Variants in PIP4K2A observed in about 807,000 individuals in gnomAD.
PIP4K2A encodes the protein phosphatidylinositol-5-phosphate 4-kinase type 2 alpha.
A neutral mutation model predicts 42.9 loss-of-function variants in PIP4K2A; 14 were observed. That is an observed-to-expected ratio of 0.33 (90% CI 0.22 to 0.51). PIP4K2A has a LOEUF of 0.51. PIP4K2A is among the 20% of genes least tolerant of loss of function. PIP4K2A has a pLI of 0.97. For synonymous variants in PIP4K2A, 192 were observed against 192.2 expected (o/e 1.00, Z 0.01); for missense variants, 434 against 519.8 (o/e 0.83, Z 1.61).
intron 1 of PIP4K2A, among the ~76,000 whole-genome samples, chr10:22,673,471 C>G (rs1376467899): frequency 6.6e-6 from 1 of 151,938 alleles, no homozygotes; most frequent in African/African-American, 2.4e-5. Context: ...TTGCATCAAG[C>G]CCAGGGTATA....
intron 1 of PIP4K2A, among the ~76,000 whole-genome samples, chr10:22,618,482 G>C (rs1838229163): frequency 1.3e-5 from 2 of 152,156 alleles, no homozygotes; most frequent in African/African-American, 4.8e-5. Flanking sequence ...TTTTGTCCCT[G>C]TCCCGCAAAC....
At chr10:22,592,681 CCT>C (rs1837540490) in intron 3 of PIP4K2A, among the ~76,000 whole-genome samples, 1 of 152,164 alleles carries the variant, frequency 6.6e-6, no homozygotes. Flanking sequence ...GTTCAGATCT[CCT>C]CTTTCTTACA....
At chr10:22,604,775 A>G (rs1288798353) in intron 3 of PIP4K2A, among the ~76,000 whole-genome samples, 2 of 152,196 alleles carry the variant, frequency 1.3e-5, no homozygotes, top group African/African-American at 4.8e-5. Flanking sequence ...AAGCTCCAGG[A>G]GAGGAAAACA....
At chr10:22,671,602 A>G (rs1409175530) in intron 1 of PIP4K2A, among the ~76,000 whole-genome samples, 1 of 152,194 alleles carries the variant, frequency 6.6e-6, no homozygotes, top group Non-Finnish European at 1.5e-5. Flanking sequence ...AAGAGAACAC[A>G]GGATGCTGGG....
rs1467638865 is a variant in PIP4K2A at position 22,675,658 on chromosome 10, T to C, written c.144+38525A>G. 3.9e-5 allele frequency among the ~76,000 whole-genome samples: 6 copies of C among 152,050 alleles called. No homozygotes were observed. The South Asian group carries it at 6.2e-4, about 16-fold the overall frequency. On this transcript the variant is annotated intron_variant, in intron 1 of 9. Coordinates refer to ENST00000376573, the MANE Select transcript of PIP4K2A (RefSeq NM_005028.5). ...TAAGAAATGTCAATAAACAAGCCATTATAAGTAATGAAAAGACTCTCCTGA... is the reference window on the plus strand; with the variant it reads ...TAAGAAATGTCAATAAACAAGCCATCATAAGTAATGAAAAGACTCTCCTGA...
At chr10:22,551,174 T>C (rs1836402634) in intron 6 of PIP4K2A, among the ~76,000 whole-genome samples, 1 of 152,120 alleles carries the variant, frequency 6.6e-6, no homozygotes, top group Non-Finnish European at 1.5e-5. Context: ...CCCAACTCCA[T>C]CCCTCCTCCC....
intron 1 of PIP4K2A, among the ~76,000 whole-genome samples, chr10:22,700,251 C>T (rs1306185886): frequency 6.6e-6 from 1 of 152,236 alleles, no homozygotes; most frequent in Non-Finnish European, 1.5e-5. Context: ...CCAATTCATA[C>T]ATCCTACACC....
At chr10:22,670,211 TCTACAAAAA>T (rs909739397) in intron 1 of PIP4K2A, among the ~76,000 whole-genome samples, 2 of 152,110 alleles carry the variant, frequency 1.3e-5, no homozygotes, top group Non-Finnish European at 2.9e-5. Flanking sequence ...AAATCCCATC[TCTACAAAAA>T]CTACAAAAAT....
At chr10:22,703,279 C>T (rs963559873) in intron 1 of PIP4K2A, among the ~76,000 whole-genome samples, 1 of 152,054 alleles carries the variant, frequency 6.6e-6, no homozygotes, top group African/African-American at 2.4e-5. Flanking sequence ...CATGGTGGTG[C>T]ACACCTGTAG....
chr10:22,581,053 A>G (rs1703664665), intron 4 of PIP4K2A, among the ~76,000 whole-genome samples: 1 of 152,242 alleles, frequency 6.6e-6, no homozygotes, highest in Non-Finnish European at 1.5e-5. Context: ...AATTAAGAGC[A>G]CACACCAGAT....
intron 3 of PIP4K2A, among the ~76,000 whole-genome samples, chr10:22,596,316 A>G (rs1359708718): frequency 1.3e-5 from 2 of 152,130 alleles, no homozygotes; most frequent in Non-Finnish European, 2.9e-5. Context: ...CCCAAGAAAC[A>G]GAGTCCGATC....
At chr10:22,615,793 T>C (rs75937098) in intron 1 of PIP4K2A, among the ~76,000 whole-genome samples, 2,720 of 152,276 alleles carry the variant, frequency 0.018, 40 homozygotes, top group Non-Finnish European at 0.027. Flanking sequence ...TGGTTGTCAA[T>C]CCCCTTTGGC....
chr10:22,690,744 A>G (rs887521939), intron 1 of PIP4K2A, among the ~76,000 whole-genome samples: 2 of 152,346 alleles, frequency 1.3e-5, no homozygotes, highest in Non-Finnish European at 2.9e-5. Context: ...TGAGCTTGAG[A>G]TAAGTAATCA....
At chr10:22,544,097 G>A (rs1335424731) in intron 7 of PIP4K2A, among the ~76,000 whole-genome samples, 1 of 152,138 alleles carries the variant, frequency 6.6e-6, no homozygotes, top group East Asian at 1.9e-4. Flanking sequence ...TAGGAGGAAG[G>A]TAACGAGTTA....
intron 1 of PIP4K2A, among the ~76,000 whole-genome samples, chr10:22,628,106 C>G (rs1191234324): frequency 6.6e-6 from 1 of 151,174 alleles, no homozygotes; most frequent in Non-Finnish European, 1.5e-5. Flanking sequence ...TCATAATGAT[C>G]TCTCAGAAAC....
chr10:22,605,749 A>C (rs1208833276), intron 3 of PIP4K2A, among the ~76,000 whole-genome samples: 1 of 152,046 alleles, frequency 6.6e-6, no homozygotes, highest in Non-Finnish European at 1.5e-5. Context: ...CAAAAAAAGG[A>C]CGTGGAGAGA....
chr10:22,669,069 T>C (rs1252092082), intron 1 of PIP4K2A, among the ~76,000 whole-genome samples: 1 of 152,186 alleles, frequency 6.6e-6, no homozygotes, highest in Admixed American at 6.5e-5. Flanking sequence ...GAACACTACA[T>C]TCACAAGTCT....
intron 7 of PIP4K2A, among the ~76,000 whole-genome samples, chr10:22,543,921 C>T (rs1836193183): frequency 1.3e-5 from 2 of 152,122 alleles, no homozygotes; most frequent in South Asian, 2.1e-4. Flanking sequence ...GCAGGCTCTC[C>T]GTGTGAGACA....
At position 22,608,020 on chromosome 10, in the gene PIP4K2A, T is replaced by C; in HGVS notation, c.246A>G (p.Glu82=). The change falls in exon 3 of 10, where the codon GAA becomes GAG. Residue 82 remains glutamate, a synonymous_variant. Coordinates refer to ENST00000376573, the MANE Select transcript of PIP4K2A (RefSeq NM_005028.5). The part of the protein sequence containing the change: ...IKVDNHLFNK[E]NMPSHFKFKE... Reference sequence around the variant, plus strand: ...TAAACTTGAAATGGCTCGGCATGTTTTCTCTGAAACAGTCACAGCGTGGAA... The same window carrying C: ...TAAACTTGAAATGGCTCGGCATGTTCTCTCTGAAACAGTCACAGCGTGGAA... 1.9e-6 allele frequency: 3 copies of C among 1,604,052 alleles called. No homozygotes were observed. Among genetic ancestry groups the C allele is most frequent in the Non-Finnish European group, 2.6e-6 (3 of 1,171,374 alleles).
Sources: allele counts gnomAD v4.1 joint callset (sites outside exome capture counted in the v4.1 genomes callset), GRCh38; gene constraint gnomAD v4.1.1; transcripts MANE v1.5; gene names NCBI Gene and HGNC (gene_info 2026-07-23, HGNC 2026-07-21).